The following DGKH variants were observed in gnomAD, a reference collection of about 807,000 sequenced individuals.
DGKH encodes DAG kinase eta.
A neutral mutation model predicts 159.3 loss-of-function variants in DGKH; 90 were observed. The ratio of observed to expected loss-of-function variants is 0.57; its 90% CI spans 0.48 to 0.67. DGKH has a LOEUF of 0.67. DGKH is among the 30% of genes least tolerant of loss of function. The pLI, the probability that DGKH is intolerant of heterozygous loss-of-function variation, is 0.00. For synonymous variants in DGKH, 536 were observed against 553.8 expected (o/e 0.97, Z 0.45); for missense variants, 1,181 against 1,506.1 (o/e 0.78, Z 3.57).
chr13:42,064,369 G>A (rs756522254), intron 1 of DGKH, among the ~76,000 whole-genome samples: 16 of 152,190 alleles, frequency 1.1e-4, no homozygotes, highest in Admixed American at 2.6e-4. Context: ...CACCTGAGCC[G>A]GGTGACCAGG....
intron 1 of DGKH, among the ~76,000 whole-genome samples, chr13:42,111,085 C>T (rs6561034): frequency 0.44 from 66,408 of 152,026 alleles, 14,784 homozygotes; most frequent in Non-Finnish European, 0.47. Context: ...AAAATACATT[C>T]AGAAACTGCT....
At chr13:42,127,398 C>T (rs1955190691) in intron 1 of DGKH, 65 bp from the exon 2 acceptor site, 1 of 1,148,092 alleles carries the variant, frequency 8.7e-7, no homozygotes, top group Non-Finnish European at 1.3e-6. Flanking sequence ...GCACCATTGG[C>T]TCTGAATTTC....
intron 1 of DGKH, among the ~76,000 whole-genome samples, chr13:42,094,047 CAAT>C (rs1272379019): frequency 5.0e-5 from 7 of 139,720 alleles, no homozygotes; most frequent in South Asian, 4.4e-4. Flanking sequence ...AATTGTATAA[CAAT>C]GATGTCAAAT....
chr13:42,178,247 A>G (rs1489919895), intron 13 of DGKH, 27 bp downstream of exon 13: 1 of 1,522,656 alleles, frequency 6.6e-7, no homozygotes, highest in Non-Finnish European at 8.9e-7. Context: ...AAGTCTTTAA[A>G]TATGGTGAAA....
chr13:42,090,961 T>C (rs1281094662), intron 1 of DGKH, among the ~76,000 whole-genome samples: 1 of 152,160 alleles, frequency 6.6e-6, no homozygotes, highest in East Asian at 1.9e-4. Context: ...AGGAGCCACC[T>C]TGGAAGCAGA....
At position 42,240,526 on chromosome 13, in the gene DGKH, G is replaced by A. The variant is rs564378310; in HGVS notation, c.*11338G>A. 1.3e-5 allele frequency: 2 copies of A among 152,198 alleles called. No homozygotes were observed. Among genetic ancestry groups the A allele is most frequent in the South Asian group, 4.1e-4 (2 of 4,824 alleles). The allele number at this position is 152,198 out of a possible 1,614,324, so 9.4% of individuals were successfully genotyped here. A position where few individuals can be genotyped will look rare whatever the true frequency, so the allele number is the denominator to read the frequency against. ...TAAATACATATACTGATTACCTACA[G>A]ACAATAATGAGACTTCAGAAAGAAT... is the stretch of plus-strand genomic sequence containing the variant. On this transcript the variant is annotated 3_prime_UTR_variant, in exon 30 of 30. Transcript: ENST00000337343.
intron 17 of DGKH, chr13:42,195,717 C>T (rs948995999): frequency 6.6e-6 from 1 of 152,156 alleles, no homozygotes; most frequent in Non-Finnish European, 1.5e-5. Flanking sequence ...TCTCTGTAGT[C>T]ATTTTTAGAC....
intron 12 of DGKH, among the ~76,000 whole-genome samples, chr13:42,177,734 C>T (rs1386183661): frequency 6.6e-6 from 1 of 152,144 alleles, no homozygotes; most frequent in Non-Finnish European, 1.5e-5. Context: ...TTTCCATTTG[C>T]CTGATGGCTG....
chr13:42,117,471 T>G (rs1247662988), intron 1 of DGKH, among the ~76,000 whole-genome samples: 1 of 152,224 alleles, frequency 6.6e-6, no homozygotes, highest in Non-Finnish European at 1.5e-5. Flanking sequence ...GAAGTTTATT[T>G]TGAGGATTAA....
In DGKH at chr13:42,127,513, G is replaced by T. The variant is rs1376161604; in HGVS notation, c.243G>T (p.Arg81Ser). The T allele has an allele frequency of 1.9e-6, 3 of 1,613,804 alleles. No individual in the cohort carries two copies. The highest frequency in any genetic ancestry group is 2.5e-6 in the Non-Finnish European group (3 of 1,179,804). The part of the protein sequence containing the change: ...QLLKQTSSFQ[R>S]WKKRYFKLRG... Reference sequence around the variant, plus strand: ...TGAAGCAAACCAGTTCTTTCCAAAGGTGGAAAAAGCGATACTTCAAACTTC... The same window carrying T: ...TGAAGCAAACCAGTTCTTTCCAAAGTTGGAAAAAGCGATACTTCAAACTTC... The change falls in exon 2 of 30, where the codon AGG (arginine) becomes AGT (serine). Residue 81 changes from arginine (R) to serine (S), a missense_variant. Arg to Ser is a moderately radical substitution (Grantham distance 110). Around this residue, in one of 5 missense-constraint regions of DGKH, gnomAD observed 136 missense variants for 132.2 expected, o/e 1.03. Transcript: ENST00000337343.
intron 1 of DGKH, among the ~76,000 whole-genome samples, chr13:42,074,345 C>T (rs1259156769): frequency 1.3e-5 from 2 of 152,192 alleles, no homozygotes; most frequent in Admixed American, 6.5e-5. Flanking sequence ...CAGGTCTTCA[C>T]ATCATTTATC....
intron 3 of DGKH, among the ~76,000 whole-genome samples, chr13:42,145,784 A>G (rs139005564): frequency 8.4e-4 from 128 of 152,332 alleles, no homozygotes; most frequent in African/African-American, 3.0e-3. Context: ...ATAATCTAGC[A>G]TAACACTATT....
downstream of DGKH, among the ~76,000 whole-genome samples, chr13:42,243,590 C>T (rs750882039): frequency 3.3e-5 from 5 of 151,820 alleles, no homozygotes; most frequent in Non-Finnish European, 7.4e-5. Flanking sequence ...AAATATGCCA[C>T]CAAGTTTAGG....
downstream of DGKH, among the ~76,000 whole-genome samples, chr13:42,247,698 A>C (rs1217696782): frequency 6.6e-6 from 1 of 152,250 alleles, no homozygotes; most frequent in African/African-American, 2.4e-5. Flanking sequence ...CAAAATGTGT[A>C]GGTGGAAGAC....
In DGKH at chr13:42,239,920, C is replaced by A. The variant is rs1463917684; in HGVS notation, c.*10732C>A. On this transcript the variant is annotated 3_prime_UTR_variant, in exon 30 of 30. Coordinates refer to ENST00000337343, the MANE Select transcript of DGKH (RefSeq NM_178009.5). ...ATGACTTAGTGCCTTGGCATAATCA[C>A]ATGCCATAGATGAACATGTTCAAGA... 6.6e-6 allele frequency: 1 copy of A among 152,220 alleles called. No homozygotes were observed. The highest frequency in any genetic ancestry group is 2.4e-5 in the African/African-American group (1 of 41,450). The allele number at this position is 152,220 out of a possible 1,614,324, so 9.4% of individuals were successfully genotyped here. A position where few individuals can be genotyped will look rare whatever the true frequency, so the allele number is the denominator to read the frequency against.
At chr13:42,141,542 C>T (rs1226061959) in intron 3 of DGKH, among the ~76,000 whole-genome samples, 2 of 152,190 alleles carry the variant, frequency 1.3e-5, no homozygotes, top group African/African-American at 4.8e-5. Flanking sequence ...TCCTATATCT[C>T]CACATCCTCT....
intron 1 of DGKH, among the ~76,000 whole-genome samples, chr13:42,061,790 A>G (rs892066890): frequency 1.3e-5 from 2 of 152,152 alleles, no homozygotes; most frequent in Non-Finnish European, 2.9e-5. Flanking sequence ...CATTCAACCA[A>G]TTTTTATTGA....
chr13:42,130,925 A>G (rs1404349170), intron 3 of DGKH, among the ~76,000 whole-genome samples: 2 of 151,968 alleles, frequency 1.3e-5, no homozygotes, highest in Non-Finnish European at 2.9e-5. Flanking sequence ...TTCTTAAGTA[A>G]AGGAGAATCA....
In DGKH at chr13:42,237,983, C is replaced by G. The variant is rs1958451102; in HGVS notation, c.*8795C>G. On this transcript the variant is annotated 3_prime_UTR_variant, in exon 30 of 30. Transcript: ENST00000337343. Reference sequence around the variant, plus strand: ...ACAACAAAACAATTATTGAAATTCACAATACCTAGAGATGGGAACATGGTT... The same window carrying G: ...ACAACAAAACAATTATTGAAATTCAGAATACCTAGAGATGGGAACATGGTT... The G allele has an allele frequency of 1.3e-5, 2 of 152,194 alleles. No individual in the cohort carries two copies. Among genetic ancestry groups the G allele is most frequent in the South Asian group, 4.1e-4 (2 of 4,834 alleles). The allele number at this position is 152,194 out of a possible 1,614,324, so 9.4% of individuals were successfully genotyped here.
Sources: allele counts gnomAD v4.1 joint callset (sites outside exome capture counted in the v4.1 genomes callset), GRCh38; gene constraint gnomAD v4.1.1; regional missense constraint gnomAD v4.1.1; transcripts MANE v1.5; gene names NCBI Gene and HGNC (gene_info 2026-07-23, HGNC 2026-07-21).